MICAL3: variants seen among roughly 807,000 people sequenced by gnomAD.
MICAL3 encodes microtubule associated monooxygenase, calponin and LIM domain containing 3.
In MICAL3, 62 loss-of-function variants were observed where a neutral mutation model predicts 207.4. The ratio of observed to expected loss-of-function variants is 0.30; its 90% confidence interval spans 0.24 to 0.37. The LOEUF (loss-of-function observed/expected upper bound fraction) is 0.37. Among genes scored for constraint, MICAL3 ranks in the 10% least tolerant of loss-of-function variants. The probability of loss-of-function intolerance (pLI) is 1.00; values close to 1 mark genes in which losing one functional copy is unlikely to be tolerated. For missense variants in MICAL3, 2,368 were observed against 2,635.6 expected (o/e 0.90, Z 2.22); for synonymous variants, 1,077 against 1,069.3 (o/e 1.01, Z -0.14).
At chr22:17,976,128 T>C (rs931959231) in intron 1 of MICAL3, among the ~76,000 whole-genome samples, 2 of 152,192 alleles carry the variant, frequency 1.3e-5, no homozygotes, top group Admixed American at 1.3e-4. Context: ...AAGTTAAATG[T>C]TTTATTTCTT....
At position 17,906,564 on chromosome 22, in the gene MICAL3, C is replaced by T. The variant is rs757167479; in HGVS notation, c.249G>A (p.Ala83=). 6.2e-6 allele frequency: 10 copies of T among 1,611,530 alleles called. No individual in the cohort carries two copies. The highest frequency in any genetic ancestry group is 5.0e-5 in the Admixed American group (3 of 59,912). ...CAAAGCTTACCTTGGTGTTAGTGCACGCTTTTCCCTTTTTGTAGTCTTTGT... is the reference window on the plus strand; with the variant it reads ...CAAAGCTTACCTTGGTGTTAGTGCATGCTTTTCCCTTTTTGTAGTCTTTGT... ...GSHKDYKKGK[A]CTNTKCLIIG... is the part of the protein sequence containing the mutation. The change falls in exon 2 of 32, where the codon GCG becomes GCA. Residue 83 remains alanine (A), a synonymous_variant. Transcript: ENST00000441493.
At chr22:17,892,314 C>G (rs772354739) in intron 11 of MICAL3, among the ~76,000 whole-genome samples, 1 of 152,152 alleles carries the variant, frequency 6.6e-6, no homozygotes, top group Admixed American at 6.5e-5. Flanking sequence ...TTCTAAAACC[C>G]GAACAGCCTC....
intron 1 of MICAL3, among the ~76,000 whole-genome samples, chr22:17,960,284 C>G (rs1390302216): frequency 6.6e-6 from 1 of 152,236 alleles, no homozygotes; most frequent in African/African-American, 2.4e-5. Context: ...TTCATGTCCT[C>G]TTCCCCTGTG....
chr22:17,944,651 G>A (rs1462752942), intron 1 of MICAL3, among the ~76,000 whole-genome samples: 1 of 152,206 alleles, frequency 6.6e-6, no homozygotes, highest in African/African-American at 2.4e-5. Flanking sequence ...CGATAGGACT[G>A]TGGGGACAGG....
intron 1 of MICAL3, among the ~76,000 whole-genome samples, chr22:17,916,070 A>AC (rs1209795324): frequency 3.3e-5 from 5 of 150,762 alleles, no homozygotes; most frequent in African/African-American, 1.2e-4. Flanking sequence ...AAAAAAAAAA[A>AC]AAAAAAAAAA....
intron 1 of MICAL3, among the ~76,000 whole-genome samples, chr22:18,007,827 G>A (rs1205185235): frequency 6.7e-6 from 1 of 148,272 alleles, no homozygotes; most frequent in East Asian, 2.0e-4. Context: ...GGAGGCTGAG[G>A]CAGGAGAATG....
intron 1 of MICAL3, among the ~76,000 whole-genome samples, chr22:17,945,946 G>A (rs977981360): frequency 1.3e-5 from 2 of 152,208 alleles, no homozygotes; most frequent in Non-Finnish European, 2.9e-5. Flanking sequence ...AGCTTACAGG[G>A]AGGGGCAGAC....
At chr22:17,847,636 C>G (rs76519998) in intron 19 of MICAL3, among the ~76,000 whole-genome samples, 2 of 152,274 alleles carry the variant, frequency 1.3e-5, no homozygotes, top group East Asian at 1.9e-4. Flanking sequence ...CACCTTCCGG[C>G]GTCACCTTCC....
intron 21 of MICAL3, among the ~76,000 whole-genome samples, chr22:17,829,605 G>C (rs1922574711): frequency 6.6e-6 from 1 of 152,244 alleles, no homozygotes; most frequent in Admixed American, 6.5e-5. Flanking sequence ...ACAAAGAGAA[G>C]AGACACATTC....
chr22:17,818,098 G>C lies in MICAL3; in HGVS notation c.4563C>G (p.Pro1521=). ...KSFVESVEEI[P]FADDVEDTYD... is the part of the protein sequence containing the mutation. Reference sequence around the variant, plus strand: ...AGGTGTCCTCCACATCATCAGCAAAGGGAATCTCCTCCACGCTCTCCACAA... The same window carrying C: ...AGGTGTCCTCCACATCATCAGCAAACGGAATCTCCTCCACGCTCTCCACAA... The change falls in exon 26 of 32, where the codon CCC becomes CCG. Residue 1521 remains proline, a synonymous_variant. Transcript: ENST00000441493. The C allele has an allele frequency of 4.3e-6, 7 of 1,612,932 alleles. No homozygotes were observed. Among genetic ancestry groups the C allele is most frequent in the Non-Finnish European group, 5.1e-6 (6 of 1,179,654 alleles).
chr22:17,915,823 G>A (rs930603933), intron 1 of MICAL3, among the ~76,000 whole-genome samples: 9 of 151,834 alleles, frequency 5.9e-5, no homozygotes, highest in African/African-American at 1.7e-4. Flanking sequence ...TGGGTGTGGC[G>A]ACTGATGACT....
At chr22:17,800,344 G>C (rs1269989378) in intron 29 of MICAL3, among the ~76,000 whole-genome samples, 1 of 152,174 alleles carries the variant, frequency 6.6e-6, no homozygotes, top group African/African-American at 2.4e-5. Flanking sequence ...GTCTGTTCTA[G>C]TGCAATAAAG....
In MICAL3 at chr22:17,862,225, TC is replaced by T; in HGVS notation, c.2605+2673del. 5 of 985,042 alleles carry T rather than the reference TC, an allele frequency of 5.1e-6. No individual in the cohort carries two copies. The South Asian group carries it at 2.4e-4, about 46-fold the overall frequency. 61.0% of individuals were successfully genotyped at this position (985,042 alleles called of 1,614,324 possible). On this transcript the variant is annotated intron_variant, in intron 19 of 31. Coordinates refer to ENST00000441493, the MANE Select transcript of MICAL3 (RefSeq NM_015241.3). ...AATGACTGTTCTCTACAACATACATTCTGGGACCCTGAAACACCTGAGCTTT... is the reference window on the plus strand; with the variant it reads ...AATGACTGTTCTCTACAACATACATTTGGGACCCTGAAACACCTGAGCTTT...
At chr22:17,811,409 TAAGTC>T (rs1472907054) in intron 27 of MICAL3, 1 of 152,642 alleles carries the variant, frequency 6.6e-6, no homozygotes, top group Non-Finnish European at 1.5e-5. Flanking sequence ...GTTTCTCTTT[TAAGTC>T]AAGTACAGTC....
At chr22:17,795,216 G>A (rs1001745166) in intron 29 of MICAL3, among the ~76,000 whole-genome samples, 1 of 152,262 alleles carries the variant, frequency 6.6e-6, no homozygotes, top group Non-Finnish European at 1.5e-5. Context: ...GCATGGGTAC[G>A]AGGGAGGATT....
chr22:18,023,223 C>G (rs1028033981), intron 1 of MICAL3, among the ~76,000 whole-genome samples: 1 of 151,900 alleles, frequency 6.6e-6, no homozygotes, highest in African/African-American at 2.4e-5. Flanking sequence ...CAAATTTTCC[C>G]ACCACCACTC....
chr22:17,818,047 G>A lies in MICAL3; in HGVS notation c.4614C>T (p.Ser1538=). The change falls in exon 26 of 32, where the codon AGC becomes AGT. Residue 1538 remains serine, a synonymous_variant. Transcript: ENST00000441493. ...GGGGCGTGAAGAATTTCTCCTGCAG[G>A]CTTGAGTCCTCAGTCTTGTCGTCAT... ...DTYDDKTEDS[S]LQEKFFTPPS... 1.9e-6 allele frequency: 3 copies of A among 1,612,946 alleles called. No homozygotes were observed. The highest frequency in any genetic ancestry group is 2.5e-6 in the Non-Finnish European group (3 of 1,179,782).
chr22:17,882,123 C>A (rs927641823), intron 16 of MICAL3, among the ~76,000 whole-genome samples: 1 of 152,194 alleles, frequency 6.6e-6, no homozygotes, highest in Admixed American at 6.5e-5. Flanking sequence ...CCATGACAAT[C>A]TACTTCCAAA....
At position 17,946,481 on chromosome 22, in the gene MICAL3, T is replaced by A. The variant is rs114418107; in HGVS notation, c.-74-39595A>T. ...AACTTATAAATGGGACACATCTTTG[T>A]ATGTGCAAAAGATCCCTCAGGCGAG... On this transcript the variant is annotated intron_variant, in intron 1 of 31. Coordinates refer to ENST00000441493, the MANE Select transcript of MICAL3 (RefSeq NM_015241.3). Among the ~76,000 whole-genome samples the A allele has an allele frequency of 5.6e-3, 851 of 152,080 alleles. 6 individuals are homozygous for A. Among genetic ancestry groups the A allele is most frequent in the African/African-American group, 0.019 (794 of 41,464 alleles).
Sources: allele counts gnomAD v4.1 joint callset (sites outside exome capture counted in the v4.1 genomes callset), GRCh38; gene constraint gnomAD v4.1.1; transcripts MANE v1.5; gene names NCBI Gene and HGNC (gene_info 2026-07-23, HGNC 2026-07-21).